The following VILL variants were observed in gnomAD, a reference collection of about 807,000 sequenced individuals.
The protein encoded by VILL is villin-like protein.
VILL carries 102 observed loss-of-function variants against 106.3 expected under a neutral mutation model. The ratio of observed to expected loss-of-function variants is 0.96; its 90% CI spans 0.82 to 1.13. The LOEUF (loss-of-function observed/expected upper bound fraction) is 1.13. Among genes scored for constraint, VILL ranks in the 50% most tolerant of loss-of-function variants. The pLI, the probability that VILL is intolerant of heterozygous loss-of-function variation, is 0.00. For synonymous variants in VILL, 431 were observed against 440.3 expected (o/e 0.98, Z 0.27); for missense variants, 1,076 against 1,116.6 (o/e 0.96, Z 0.52).
chr3:37,999,187 G>GGTCT, intron 10 of VILL, 137 bp downstream of exon 10: 1 of 1,238,764 alleles, frequency 8.1e-7, no homozygotes, highest in Non-Finnish European at 1.1e-6. Context: ...TGCACGGGGC[G>GGTCT]GAACAGAGCC....
intron 11 of VILL, 200 bp from the exon 12 acceptor site, chr3:38,001,256 G>A (rs1391362954): frequency 1.7e-5 from 13 of 772,242 alleles, no homozygotes; most frequent in East Asian, 5.5e-5. Flanking sequence ...TCAGGGGTCC[G>A]TGGGGAAAGG....
At chr3:37,992,635 A>G (rs1463850815) in intron 1 of VILL, among the ~76,000 whole-genome samples, 3 of 152,060 alleles carry the variant, frequency 2.0e-5, no homozygotes, top group Admixed American at 6.5e-5. Flanking sequence ...CAACCATCCT[A>G]TGGTTTCCAT....
intron 4 of VILL, among the ~76,000 whole-genome samples, chr3:37,994,850 A>T (rs1164460954): frequency 6.6e-6 from 1 of 152,246 alleles, no homozygotes; most frequent in Non-Finnish European, 1.5e-5. Flanking sequence ...TCATTCAACA[A>T]ATGGTCTTCC....
Position 37,997,653 on chromosome 3 carries a change from C to A in VILL, c.732C>A (p.Asn244Lys). The A allele has an allele frequency of 6.2e-7, 1 of 1,612,414 alleles. No homozygotes were observed. The highest frequency in any genetic ancestry group is 8.5e-7 in the Non-Finnish European group (1 of 1,179,988). Reference protein sequence around the residue: ...LRAATPSKDINQLQKANVRLY... With the variant: ...LRAATPSKDIKQLQKANVRLY... ...CCGCCACGCCCAGCAAGGATATCAA[C>A]CAGCTGCAGAAGGCCAATGTTCGCC... Residue 244 changes from asparagine to lysine, a missense_variant, in exon 7 of 20, where the codon AAC becomes AAA. Physicochemically the swap from Asn to Lys is moderately conservative, Grantham distance 94. Coordinates refer to ENST00000383759, the MANE Select transcript of VILL (RefSeq NM_015873.4). This position sits in a 1 kb window ranked among gnomAD's most constrained non-coding sequence, Gnocchi z 4.7.
intron 16 of VILL, 117 bp from the exon 17 acceptor site, chr3:38,005,675 G>C: frequency 8.6e-7 from 1 of 1,156,558 alleles, no homozygotes; most frequent in Non-Finnish European, 1.2e-6. Context: ...TGTCTGCTTG[G>C]CCAGGGATGT....
chr3:38,000,685 C>G (rs908836852), intron 11 of VILL, among the ~76,000 whole-genome samples: 1 of 152,144 alleles, frequency 6.6e-6, no homozygotes, highest in African/African-American at 2.4e-5. Flanking sequence ...CCTGGCTGCC[C>G]GGTAATTGCC....
chr3:38,006,899 G>A (rs1386020235), intron 19 of VILL, 43 bp from the exon 20 acceptor site: 2 of 1,575,106 alleles, frequency 1.3e-6, no homozygotes, highest in Admixed American at 3.4e-5. Flanking sequence ...TCTGGGCTCA[G>A]ATGACACCCT....
rs1410373735 is a variant in VILL, at chr3:37,999,321, C to G, written c.1082-18C>G. 1 of 1,505,508 alleles carries G rather than the reference C, an allele frequency of 6.6e-7. No homozygotes were observed. Among genetic ancestry groups the G allele is most frequent in the Non-Finnish European group, 8.9e-7 (1 of 1,127,768 alleles). 93.3% of individuals were successfully genotyped at this position (1,505,508 alleles called of 1,614,324 possible). A position where few individuals can be genotyped will look rare whatever the true frequency, so the allele number is the denominator to read the frequency against. ...GGGGGGCAGAGGGCGCCACTGACGC[C>G]TACTGTCCCCCCTTCAGATAAATCG... On this transcript the variant is annotated intron_variant, in intron 10 of 19. Coordinates refer to ENST00000383759, the MANE Select transcript of VILL (RefSeq NM_015873.4).
intron 19 of VILL, 101 bp from the exon 20 acceptor site, chr3:38,006,841 C>G: frequency 6.6e-7 from 1 of 1,507,632 alleles, no homozygotes; most frequent in Middle Eastern, 1.9e-4. Flanking sequence ...CAAACAGATG[C>G]GGGAGTCCCA....
In VILL at chr3:37,996,460, T is replaced by C. The variant is rs1045281747; in HGVS notation, c.450+613T>C. 6.6e-5 allele frequency among the ~76,000 whole-genome samples: 10 copies of C among 152,270 alleles called. No homozygotes were observed. The Middle Eastern group carries it at 0.01, about 155-fold the overall frequency. ...TACTGGTTTTGTTAGAACAAAACATTTTGCTGCCATCTGGCCAGAATTTGG... is the reference window on the plus strand; with the variant it reads ...TACTGGTTTTGTTAGAACAAAACATCTTGCTGCCATCTGGCCAGAATTTGG... On this transcript the variant is annotated intron_variant, in intron 5 of 19. Transcript: ENST00000383759.
At chr3:37,989,531 G>A (rs1397058203), upstream of VILL, among the ~76,000 whole-genome samples, 1 of 152,210 alleles carries the variant, frequency 6.6e-6, no homozygotes, top group Non-Finnish European at 1.5e-5. Context: ...TTGGTTGACA[G>A]CGGGCATTGG....
rs976206279 is a variant in VILL at position 37,995,839 on chromosome 3, G to A, written c.442G>A (p.Ala148Thr). 1.9e-6 allele frequency: 3 copies of A among 1,613,370 alleles called. No homozygotes were observed. The highest frequency in any genetic ancestry group is 3.3e-5 in the Admixed American group (2 of 60,004). ...CATCAAAGGGAGGAAGCACGTGTCTGCCACTGAGGTGAGGCTGCCAGGGGA... is the reference window on the plus strand; with the variant it reads ...CATCAAAGGGAGGAAGCACGTGTCTACCACTGAGGTGAGGCTGCCAGGGGA... ...LHIKGRKHVS[A>T]TEVELSWNSF... The change falls in exon 5 of 20, where the codon GCC (alanine) becomes ACC (threonine). Residue 148 changes from alanine (A) to threonine (T), a missense_variant. Coordinates refer to ENST00000383759, the MANE Select transcript of VILL (RefSeq NM_015873.4).
intron 4 of VILL, among the ~76,000 whole-genome samples, chr3:37,995,096 T>G (rs1699677021): frequency 6.6e-6 from 1 of 152,274 alleles, no homozygotes; most frequent in Non-Finnish European, 1.5e-5. Context: ...TTCATTTCCC[T>G]TGGTATATAC....
chr3:37,997,630 G>A lies in VILL; in HGVS notation c.709G>A (p.Ala237Thr), dbSNP rs372280053. 96 of 1,502,328 alleles carry A rather than the reference G, an allele frequency of 6.4e-5. No individual in the cohort carries two copies. In the East Asian group the frequency reaches 2.1e-3, roughly 33 times the overall value. The allele number at this position is 1,502,328 out of a possible 1,614,324, so 93.1% of individuals were successfully genotyped here. The change falls in exon 7 of 20, where the codon GCC becomes ACC. Residue 237 changes from alanine (A) to threonine (T), a missense_variant. Ala to Thr is a moderately conservative substitution (Grantham distance 58, BLOSUM62 0). Transcript: ENST00000383759. This position sits in a 1 kb window ranked among gnomAD's most constrained non-coding sequence, Gnocchi z 4.7. Reference protein sequence around the residue: ...LGRRVGSLRAATPSKDINQLQ... With the variant: ...LGRRVGSLRATTPSKDINQLQ... ...CCGCAGGGTGGGCAGCCTGCGTGCC[G>A]CCACGCCCAGCAAGGATATCAACCA...
Position 37,998,126 on chromosome 3 carries a change from G to T in VILL, c.801G>T (p.Glu267Asp). ...YEKGKDLVVL[E>D]LATPPLTQDL... Reference sequence around the variant, plus strand: ...AGGGCAAAGACCTGGTGGTCCTGGAGTTGGCGACCCCCCCACTGACCCAGG... The same window carrying T: ...AGGGCAAAGACCTGGTGGTCCTGGATTTGGCGACCCCCCCACTGACCCAGG... Residue 267 changes from glutamate to aspartate, a missense_variant, in exon 8 of 20, where the codon GAG becomes GAT. By Grantham distance (45) the Glu-to-Asp change is conservative. Transcript: ENST00000383759. The surrounding 1 kb of genome is among the most constrained non-coding windows in gnomAD (Gnocchi z 4.1). The T allele has an allele frequency of 6.2e-7, 1 of 1,613,608 alleles. No homozygotes were observed.
chr3:37,992,051 G>A (rs534342942), intron 1 of VILL, among the ~76,000 whole-genome samples: 1 of 152,264 alleles, frequency 6.6e-6, no homozygotes, highest in East Asian at 1.9e-4. Flanking sequence ...AGTGACACCA[G>A]CCGAGTCCCA....
chr3:38,001,408 G>A (rs1699813281), intron 11 of VILL, 48 bp from the exon 12 acceptor site: 1 of 1,604,268 alleles, frequency 6.2e-7, no homozygotes, highest in Admixed American at 1.7e-5. Context: ...TGGGTGGGCT[G>A]GTTCAGGAAG....
rs1243553633 is a variant in VILL, at chr3:38,003,111, G to T, written c.1660-57G>T. ...CATACACCCTGTGAACGGGACGTGG[G>T]GCCGGAGGTGAAGGCCCCTCCTCAT... On this transcript the variant is annotated intron_variant, in intron 14 of 19. Coordinates refer to ENST00000383759, the MANE Select transcript of VILL (RefSeq NM_015873.4). The T allele has an allele frequency of 1.3e-5, 20 of 1,590,252 alleles. No individual in the cohort carries two copies. In the Admixed American group the frequency reaches 1.4e-4, roughly 11 times the overall value.
At chr3:37,999,460 TG>T in intron 11 of VILL, 21 bp downstream of exon 11, 2 of 1,450,448 alleles carry the variant, frequency 1.4e-6, no homozygotes, top group Non-Finnish European at 1.8e-6. Flanking sequence ...CTGGGTTAGC[TG>T]GGGGAAGATG....
Sources: allele counts gnomAD v4.1 joint callset (sites outside exome capture counted in the v4.1 genomes callset), GRCh38; gene constraint gnomAD v4.1.1; non-coding constraint Gnocchi (gnomAD v3.1); transcripts MANE v1.5; gene names NCBI Gene and HGNC (gene_info 2026-07-23, HGNC 2026-07-21).